Variants in TENM2 observed in about 807,000 individuals in gnomAD.
TENM2 encodes the protein teneurin-2.
In TENM2, 52 loss-of-function variants were observed where a neutral mutation model predicts 245.2. The ratio of observed to expected loss-of-function variants is 0.21; its 90% confidence interval spans 0.17 to 0.27. The LOEUF (loss-of-function observed/expected upper bound fraction) is 0.27, where lower values mean the gene tolerates loss of function less well. Ranked by LOEUF, TENM2 falls within the 10% of genes least tolerant of loss-of-function variation. TENM2 has a pLI of 1.00. For missense variants in TENM2, 3,046 were observed against 3,666.8 expected (o/e 0.83, Z 4.37); for synonymous variants, 1,363 against 1,438.9 (o/e 0.95, Z 1.19).
At chr5:168,025,150 T>C (rs1410466589) in intron 5 of TENM2, among the ~76,000 whole-genome samples, 1 of 152,168 alleles carries the variant, frequency 6.6e-6, no homozygotes, top group Non-Finnish European at 1.5e-5. Context: ...CACATGCAAA[T>C]GGAAAACTAC....
chr5:167,438,903 C>T (rs1158507741), intron 2 of TENM2, among the ~76,000 whole-genome samples: 1 of 152,186 alleles, frequency 6.6e-6, no homozygotes, highest in Non-Finnish European at 1.5e-5. Flanking sequence ...AAGCACTTCT[C>T]CTGCCTCAGC....
intron 2 of TENM2, among the ~76,000 whole-genome samples, chr5:167,468,493 C>T (rs1328903595): frequency 2.6e-5 from 4 of 152,140 alleles, no homozygotes; most frequent in Non-Finnish European, 4.4e-5. Flanking sequence ...TAATGAAGTG[C>T]TCTGTAATAC....
intron 2 of TENM2, among the ~76,000 whole-genome samples, chr5:167,391,496 G>A (rs1761748564): frequency 6.6e-6 from 1 of 151,814 alleles, no homozygotes; most frequent in Non-Finnish European, 1.5e-5. Context: ...GTGGTGGCTT[G>A]TGCCTGTAAT....
chr5:167,014,413 C>G, the TENM2 span, among the ~76,000 whole-genome samples: 2 of 151,796 alleles, frequency 1.3e-5, no homozygotes, highest in African/African-American at 4.9e-5. Flanking sequence ...TTCTTCTTTT[C>G]CTAACTATAT....
At chr5:167,467,765 C>T (rs536984476) in intron 2 of TENM2, among the ~76,000 whole-genome samples, 1 of 151,998 alleles carries the variant, frequency 6.6e-6, no homozygotes, top group Non-Finnish European at 1.5e-5. Flanking sequence ...ACTAGCCCTG[C>T]TTGATTTATG....
At chr5:167,445,369 A>AGAGAGAGAGAGAGAGTGAGTGTGAGT (rs35699708) in intron 2 of TENM2, among the ~76,000 whole-genome samples, 11 of 98,606 alleles carry the variant, frequency 1.1e-4, no homozygotes, top group African/African-American at 4.0e-4. Flanking sequence ...AGAGAGAGAG[A>AGAGAGAGAGAGAGAGTGAGTGTGAGT]GTGTCAGGTG....
chr5:167,477,787 A>T (rs1767488802), intron 2 of TENM2, among the ~76,000 whole-genome samples: 1 of 152,174 alleles, frequency 6.6e-6, no homozygotes, highest in South Asian at 2.1e-4. Flanking sequence ...AGATGGATAG[A>T]TGATAGACAG....
chr5:168,156,266 A>AAAAAAAAC, intron 12 of TENM2, among the ~76,000 whole-genome samples: 2 of 148,476 alleles, frequency 1.3e-5, no homozygotes, highest in Middle Eastern at 3.5e-3. Context: ...AAAAAAAAAA[A>AAAAAAAAC]CACTTTTTTT....
At chr5:167,075,976 C>G in the TENM2 span, among the ~76,000 whole-genome samples, 1 of 152,178 alleles carries the variant, frequency 6.6e-6, no homozygotes, top group Non-Finnish European at 1.5e-5. Flanking sequence ...AGTCTTTTCC[C>G]AGGTTTTCAG....
intron 17 of TENM2, among the ~76,000 whole-genome samples, chr5:168,200,376 T>C (rs557497407): frequency 6.6e-6 from 1 of 151,988 alleles, no homozygotes; most frequent in Admixed American, 6.5e-5. Flanking sequence ...TAAAAGTAAA[T>C]GATATATATT....
At chr5:167,204,629 A>T in the TENM2 span, among the ~76,000 whole-genome samples, 1 of 152,332 alleles carries the variant, frequency 6.6e-6, no homozygotes, top group South Asian at 2.1e-4. Context: ...ATTCACTGTG[A>T]TGCCAGGGGC....
intron 2 of TENM2, among the ~76,000 whole-genome samples, chr5:167,833,876 C>G (rs1768735034): frequency 1.3e-5 from 2 of 152,206 alleles, no homozygotes; most frequent in South Asian, 4.1e-4. Flanking sequence ...CCTCATTGCT[C>G]TCATTTCCTA....
intron 3 of TENM2, among the ~76,000 whole-genome samples, chr5:167,949,962 G>GCTGGATAAT (rs1318705718): frequency 6.6e-6 from 1 of 152,094 alleles, no homozygotes; most frequent in African/African-American, 2.4e-5. Flanking sequence ...TACCGAGAAC[G>GCTGGATAAT]CTGGATAATT....
intron 2 of TENM2, among the ~76,000 whole-genome samples, chr5:167,475,283 G>T (rs1010799849): frequency 6.6e-6 from 1 of 151,930 alleles, no homozygotes; most frequent in Non-Finnish European, 1.5e-5. Context: ...GGGCTGCAAG[G>T]TATCTTTACA....
chr5:167,712,044 A>G (rs59924774), intron 2 of TENM2, among the ~76,000 whole-genome samples: 178 of 152,326 alleles, frequency 1.2e-3, no homozygotes, highest in African/African-American at 4.1e-3. Flanking sequence ...AGCATTCATC[A>G]TCCTAAAATA....
chr5:168,000,174 C>G (rs1311491992), intron 5 of TENM2, among the ~76,000 whole-genome samples: 1 of 152,180 alleles, frequency 6.6e-6, no homozygotes, highest in East Asian at 1.9e-4. Context: ...GCCAACAGGC[C>G]CTTCAGCTTC....
intron 3 of TENM2, among the ~76,000 whole-genome samples, chr5:167,929,130 AAAAG>A (rs1778081900): frequency 7.6e-6 from 1 of 131,536 alleles, no homozygotes; most frequent in African/African-American, 2.8e-5. Context: ...AGAAAGAAAG[AAAAG>A]AAAGAAGGGA....
the TENM2 span, among the ~76,000 whole-genome samples, chr5:167,051,301 C>T: frequency 6.6e-6 from 1 of 151,770 alleles, no homozygotes; most frequent in Non-Finnish European, 1.5e-5. Context: ...TTTATTTCCT[C>T]TCTGACAAGA....
chr5:168,138,989 G>C (rs1755303654), intron 12 of TENM2, among the ~76,000 whole-genome samples: 1 of 152,146 alleles, frequency 6.6e-6, no homozygotes, highest in Non-Finnish European at 1.5e-5. Context: ...AGACTTTGAT[G>C]TTTTCTAACC....
Sources: allele counts gnomAD v4.1 joint callset (sites outside exome capture counted in the v4.1 genomes callset), GRCh38; gene constraint gnomAD v4.1.1; transcripts MANE v1.5; gene names NCBI Gene and HGNC (gene_info 2026-07-23, HGNC 2026-07-21).